MAP3K15: variants seen among roughly 807,000 people sequenced by gnomAD.
MAP3K15 encodes the protein mitogen-activated protein kinase kinase kinase 15.
A neutral mutation model predicts 99.5 loss-of-function variants in MAP3K15; 124 were observed. The observed-to-expected ratio is 1.25, with a 90% CI of 1.08 to 1.45. The LOEUF (loss-of-function observed/expected upper bound fraction) is 1.45. Ranked by LOEUF, MAP3K15 falls within the 40% of genes most tolerant of loss-of-function variation. The pLI, the probability that MAP3K15 is intolerant of heterozygous loss-of-function variation, is 0.00. For synonymous variants in MAP3K15, 494 were observed against 439.6 expected (o/e 1.12, Z -1.55); for missense variants, 1,242 against 1,079.7 (o/e 1.15, Z -2.11).
chrX:19,415,279 A>C, intron 9 of MAP3K15, 22 bp from the exon 10 acceptor site: 1 of 1,129,599 alleles, frequency 8.9e-7, no homozygotes, highest in South Asian at 2.1e-5. Flanking sequence ...ACAAACAGCA[A>C]TATATTGGAT....
intron 6 of MAP3K15, among the ~76,000 whole-genome samples, chrX:19,439,663 C>T (rs1386622995): frequency 9.0e-6 from 1 of 111,700 alleles, no homozygotes; most frequent in South Asian, 3.8e-4. Flanking sequence ...TAGACAGAGT[C>T]TCACTGTGTT....
intron 3 of MAP3K15, among the ~76,000 whole-genome samples, chrX:19,469,704 G>GA (rs1490690640): frequency 1.8e-4 from 20 of 110,833 alleles, no homozygotes; most frequent in African/African-American, 6.3e-4. Context: ...AAATTTACAA[G>GA]AAAAAAACAA....
intron 6 of MAP3K15, among the ~76,000 whole-genome samples, chrX:19,445,815 C>T (rs2063993362): frequency 9.2e-6 from 1 of 108,278 alleles, no homozygotes; most frequent in South Asian, 4.0e-4. Context: ...GGCGTGGTGT[C>T]AGGTGCCTGT....
intron 13 of MAP3K15, among the ~76,000 whole-genome samples, chrX:19,401,068 T>A (rs1275767720): frequency 6.3e-5 from 7 of 111,881 alleles, no homozygotes; most frequent in African/African-American, 2.3e-4. Context: ...TAACACCCCA[T>A]TAGAAGTGCA....
intron 25 of MAP3K15, among the ~76,000 whole-genome samples, chrX:19,365,949 G>A (rs376320667): frequency 1.0e-5 from 1 of 99,893 alleles, no homozygotes; most frequent in African/African-American, 3.7e-5. Context: ...GAAGGTTGCA[G>A]TGAGCCAAGA....
At position 19,457,034 on chromosome X, in the gene MAP3K15, T is replaced by C. The variant is rs1429871703; in HGVS notation, c.889-15A>G. On this transcript the variant is annotated splice_polypyrimidine_tract_variant and intron_variant, in intron 5 of 28. Transcript: ENST00000338883. ...GCATCATAGTCCTGTTGGCAAGAGG[T>C]CCCAAAGTGAGCAAGAGAGGAAACA... 1.5e-5 allele frequency: 17 copies of C among 1,117,253 alleles called. No homozygotes were observed. The highest frequency in any genetic ancestry group is 1.9e-5 in the Non-Finnish European group (16 of 822,897). The allele number at this position is 1,117,253 out of a possible 1,213,427, so 92.1% of individuals were successfully genotyped here. A position where few individuals can be genotyped will look rare whatever the true frequency, so the allele number is the denominator to read the frequency against.
At chrX:19,462,668 G>A (rs899085124) in intron 4 of MAP3K15, among the ~76,000 whole-genome samples, 12 of 112,006 alleles carry the variant, frequency 1.1e-4, no homozygotes, top group African/African-American at 3.6e-4. Context: ...AGCCATTTCT[G>A]CCCCTGTAAC....
At chrX:19,448,570 C>A (rs1209675684) in intron 6 of MAP3K15, among the ~76,000 whole-genome samples, 1 of 108,257 alleles carries the variant, frequency 9.2e-6, no homozygotes, top group Non-Finnish European at 1.9e-5. Flanking sequence ...CCCCTGTCCC[C>A]GAAAAAAAAT....
At chrX:19,430,612 A>G (rs1289675262) in intron 7 of MAP3K15, among the ~76,000 whole-genome samples, 8 of 111,166 alleles carry the variant, frequency 7.2e-5, no homozygotes, top group Non-Finnish European at 1.1e-4. Flanking sequence ...TGCATGTCCA[A>G]TCTTGTCACT....
intron 2 of MAP3K15, among the ~76,000 whole-genome samples, chrX:19,487,555 T>C (rs2064337810): frequency 8.9e-6 from 1 of 112,117 alleles, no homozygotes; most frequent in African/African-American, 3.2e-5. Flanking sequence ...CTGGGGAAAC[T>C]ATTCTACAAT....
chrX:19,498,918 G>A (rs1348646567), intron 1 of MAP3K15, among the ~76,000 whole-genome samples: 3 of 112,250 alleles, frequency 2.7e-5, no homozygotes, highest in Non-Finnish European at 5.6e-5. Flanking sequence ...AACCATAAAA[G>A]AATAATATTC....
intron 2 of MAP3K15, among the ~76,000 whole-genome samples, chrX:19,487,604 T>C (rs920169363): frequency 1.8e-5 from 2 of 111,961 alleles, no homozygotes; most frequent in Non-Finnish European, 3.8e-5. Flanking sequence ...TTCACTGTCA[T>C]ACAAATGACT....
chrX:19,450,394 T>C (rs2064028588), intron 6 of MAP3K15, among the ~76,000 whole-genome samples: 1 of 108,895 alleles, frequency 9.2e-6, no homozygotes, highest in Non-Finnish European at 1.9e-5. Context: ...TAAAGAAAGC[T>C]GGCAATTCCA....
At chrX:19,408,554 G>T in intron 12 of MAP3K15, 1 of 133,966 alleles carries the variant, frequency 7.5e-6, no homozygotes, top group Non-Finnish European at 1.5e-5. Context: ...TCTGGAGGCT[G>T]AGGCAGGAGA....
chrX:19,444,603 A>G (rs1338177267), intron 6 of MAP3K15, among the ~76,000 whole-genome samples: 1 of 112,107 alleles, frequency 8.9e-6, no homozygotes, highest in Non-Finnish European at 1.9e-5. Context: ...TACCTCTGGT[A>G]ACAGATCTCG....
chrX:19,506,260 G>A lies in MAP3K15; in HGVS notation c.361+8641C>T, dbSNP rs921527967. Among the ~76,000 whole-genome samples, 8 of 110,809 alleles carry A rather than the reference G, an allele frequency of 7.2e-5. No individual in the cohort carries two copies. In the South Asian group the frequency reaches 1.9e-3, roughly 27 times the overall value. On this transcript the variant is annotated intron_variant, in intron 1 of 28. Coordinates refer to ENST00000338883, the MANE Select transcript of MAP3K15 (RefSeq NM_001001671.4). The stretch of plus-strand genomic sequence containing the variant: ...GATTTTTGTATTATTAGTAGAGACG[G>A]GGTTTTGCTATGTTGACCAGGCTGC...
rs1602304249 is a variant in MAP3K15, at chrX:19,431,567, A to G, written c.1037T>C (p.Met346Thr). The change falls in exon 7 of 29, where the codon ATG becomes ACG. Residue 346 changes from methionine to threonine, a missense_variant. By Grantham distance (81) the Met-to-Thr change is moderately conservative. Coordinates refer to ENST00000338883, the MANE Select transcript of MAP3K15 (RefSeq NM_001001671.4). ...TGDREKALQI[M>T]LQVLQSCDHP... Reference sequence around the variant, plus strand: ...ATCACAGCTCTGCAGAACCTGGAGCATGATCTGCAGAGCCTTCTCACGGTC... The same window carrying G: ...ATCACAGCTCTGCAGAACCTGGAGCGTGATCTGCAGAGCCTTCTCACGGTC... The G allele has an allele frequency of 8.3e-7, 1 of 1,198,187 alleles. No homozygotes were observed. Among genetic ancestry groups the G allele is most frequent in the South Asian group, 1.8e-5 (1 of 56,683 alleles).
intron 11 of MAP3K15, among the ~76,000 whole-genome samples, chrX:19,411,609 G>A (rs1354800632): frequency 1.8e-5 from 2 of 110,665 alleles, no homozygotes; most frequent in Admixed American, 1.9e-4. Flanking sequence ...GATAGGGCAG[G>A]GGGTCACGTT....
At chrX:19,441,358 G>A (rs1200092698) in intron 6 of MAP3K15, among the ~76,000 whole-genome samples, 1 of 109,512 alleles carries the variant, frequency 9.1e-6, no homozygotes, top group African/African-American at 3.3e-5. Flanking sequence ...AGTGGTAATG[G>A]GTATGGGCTT....
Sources: allele counts gnomAD v4.1 joint callset (sites outside exome capture counted in the v4.1 genomes callset), GRCh38; gene constraint gnomAD v4.1.1; transcripts MANE v1.5; gene names NCBI Gene and HGNC (gene_info 2026-07-23, HGNC 2026-07-21).